ESYT2: variants seen among roughly 807,000 people sequenced by gnomAD.
The protein encoded by ESYT2 is extended synaptotagmin 2, also known as extended synaptotagmin-2.
ESYT2 carries 54 observed loss-of-function variants against 107.2 expected under a neutral mutation model. The ratio of observed to expected loss-of-function variants is 0.50; its 90% CI spans 0.40 to 0.63. ESYT2 has a LOEUF of 0.63. Ranked by LOEUF, ESYT2 falls within the 30% of genes least tolerant of loss-of-function variation. ESYT2 has a pLI of 0.00. For synonymous variants in ESYT2, 491 were observed against 434.1 expected, an observed-to-expected ratio of 1.13 and a Z score of -1.63; for missense variants, 1,020 against 1,094.5, an observed-to-expected ratio of 0.93 and a Z score of 0.96.
At chr7:158,818,915 G>C (rs1840216833) in intron 1 of ESYT2, among the ~76,000 whole-genome samples, 1 of 152,218 alleles carries the variant, frequency 6.6e-6, no homozygotes, top group Non-Finnish European at 1.5e-5. Context: ...ACACCCCACA[G>C]AAGGGCAGCC....
Position 158,751,890 on chromosome 7 carries a change from T to C in ESYT2, c.1482+891A>G, listed in dbSNP as rs570748061. ...TTCAATGTTCTGGAGGGCACAGTTA[T>C]TTCAACTACTGTGCTAACTAGTACT... On this transcript the variant is annotated intron_variant, in intron 14 of 22. Transcript: ENST00000275418. Among the ~76,000 whole-genome samples, 99 of 152,324 alleles carry C rather than the reference T, an allele frequency of 6.5e-4. 1 individual carries two copies. The highest frequency in any genetic ancestry group is 2.3e-3 in the African/African-American group (94 of 41,570).
chr7:158,752,773 C>G lies in ESYT2; in HGVS notation c.1482+8G>C, dbSNP rs1283698229. 2 of 1,300,754 alleles carry G rather than the reference C, an allele frequency of 1.5e-6. No individual in the cohort carries two copies. Among genetic ancestry groups the G allele is most frequent in the Admixed American group, 2.3e-5 (1 of 43,370 alleles). The allele number at this position is 1,300,754 out of a possible 1,614,324, so 80.6% of individuals were successfully genotyped here. A position where few individuals can be genotyped will look rare whatever the true frequency, so the allele number is the denominator to read the frequency against. On this transcript the variant is annotated splice_region_variant and intron_variant, in intron 14 of 22. Coordinates refer to ENST00000275418, the MANE Select transcript of ESYT2 (RefSeq NM_001367773.1). ...TTAACTCTGTGACCTGAAGGGAAAA[C>G]AGTTTACCTTTAAAGCTCTCTGAAC...
chr7:158,819,435 TC>T (rs1238017931), intron 1 of ESYT2, among the ~76,000 whole-genome samples: 2 of 152,258 alleles, frequency 1.3e-5, no homozygotes, highest in Non-Finnish European at 2.9e-5. Context: ...CAAATGTCTA[TC>T]AGACATCATT....
intron 16 of ESYT2, among the ~76,000 whole-genome samples, chr7:158,745,063 G>C (rs1837351032): frequency 6.6e-6 from 1 of 152,060 alleles, no homozygotes; most frequent in Non-Finnish European, 1.5e-5. Flanking sequence ...ATCAGATTGG[G>C]GCAAAAGTAA....
At position 158,759,466 on chromosome 7, in the gene ESYT2, G is replaced by A. The variant is rs771857089; in HGVS notation, c.1419+20C>T. 5.0e-6 allele frequency: 8 copies of A among 1,592,798 alleles called. No individual in the cohort carries two copies. The highest frequency in any genetic ancestry group is 6.0e-6 in the Non-Finnish European group (7 of 1,162,886). On this transcript the variant is annotated intron_variant, in intron 13 of 22. Coordinates refer to ENST00000275418, the MANE Select transcript of ESYT2 (RefSeq NM_001367773.1). ...TGCTAGGAAATACGCACCCACAGGT[G>A]TTACCACTGTGTTACCTACCGGAAG... is the stretch of plus-strand genomic sequence containing the variant.
In ESYT2 at chr7:158,749,808, T is replaced by C. The variant is rs1338830078; in HGVS notation, c.1483-85A>G. The C allele has an allele frequency of 3.3e-6, 4 of 1,197,078 alleles. No homozygotes were observed. The East Asian group carries it at 9.8e-5, about 29-fold the overall frequency. 74.2% of individuals were successfully genotyped at this position (1,197,078 alleles called of 1,614,324 possible). On this transcript the variant is annotated intron_variant, in intron 14 of 22. Coordinates refer to ENST00000275418, the MANE Select transcript of ESYT2 (RefSeq NM_001367773.1). ...CTAAAAATGAAATTACTGGCTTATA[T>C]TAGTAGTCATTTTTATTTATCTCTG... is the stretch of plus-strand genomic sequence containing the variant.
intron 16 of ESYT2, among the ~76,000 whole-genome samples, chr7:158,747,359 C>T (rs535334977): frequency 1.9e-4 from 29 of 150,300 alleles, no homozygotes; most frequent in Non-Finnish European, 3.4e-4. Flanking sequence ...AAGAATGAAA[C>T]ATTAAAAAAA....
chr7:158,743,824 T>C, intron 16 of ESYT2, 146 bp from the exon 17 acceptor site: 1 of 860,440 alleles, frequency 1.2e-6, no homozygotes, highest in Middle Eastern at 2.8e-4. Context: ...CTCACGCCTG[T>C]AATTTCAGCA....
intron 7 of ESYT2, among the ~76,000 whole-genome samples, chr7:158,772,421 T>C (rs1177312560): frequency 2.0e-5 from 3 of 152,122 alleles, no homozygotes; most frequent in Non-Finnish European, 2.9e-5. Flanking sequence ...AATAAAAAAA[T>C]AGTCTGAAAC....
intron 14 of ESYT2, among the ~76,000 whole-genome samples, chr7:158,751,971 G>C (rs1163856564): frequency 6.6e-6 from 1 of 152,158 alleles, no homozygotes; most frequent in Non-Finnish European, 1.5e-5. Flanking sequence ...AGGACGAAGT[G>C]GGGGTTCGCA....
intron 8 of ESYT2, among the ~76,000 whole-genome samples, chr7:158,766,797 C>T (rs1243451834): frequency 6.6e-6 from 1 of 152,180 alleles, no homozygotes; most frequent in Non-Finnish European, 1.5e-5. Flanking sequence ...GACACCACCA[C>T]GGTGGTAATG....
intron 20 of ESYT2, 107 bp from the exon 21 acceptor site, chr7:158,735,715 T>C: frequency 1.0e-6 from 1 of 985,160 alleles, no homozygotes; most frequent in Non-Finnish European, 1.5e-6. Flanking sequence ...TCATGTTTGT[T>C]TTTTATTATA....
intron 1 of ESYT2, among the ~76,000 whole-genome samples, chr7:158,809,692 G>A (rs1490321998): frequency 6.6e-6 from 1 of 152,148 alleles, no homozygotes; most frequent in East Asian, 1.9e-4. Context: ...GCCTAAAGCT[G>A]TCTCCTTAAC....
Position 158,789,828 on chromosome 7 carries a change from C to G in ESYT2, c.585-1411G>C, listed in dbSNP as rs79771033. ...TATGTTACGGCAGCTAACCATGAAA[C>G]CAGACTGATGCGTATTTGTTCAGAG... On this transcript the variant is annotated intron_variant, in intron 4 of 22. Transcript: ENST00000275418. 4.5e-3 allele frequency among the ~76,000 whole-genome samples: 691 copies of G among 152,258 alleles called. 43 individuals are homozygous for G. The East Asian group carries it at 0.12, about 26-fold the overall frequency.
chr7:158,787,476 A>G (rs1247139664), intron 6 of ESYT2, among the ~76,000 whole-genome samples: 4 of 152,238 alleles, frequency 2.6e-5, no homozygotes, highest in Non-Finnish European at 4.4e-5. Flanking sequence ...TGCTAATGAC[A>G]GCAGCCCTTA....
intron 1 of ESYT2, among the ~76,000 whole-genome samples, chr7:158,822,791 GTAC>G (rs1320178056): frequency 6.6e-6 from 1 of 151,582 alleles, no homozygotes; most frequent in African/African-American, 2.4e-5. Context: ...AAAAAATAAA[GTAC>G]TATTAGGTTT....
intron 9 of ESYT2, 112 bp downstream of exon 9, chr7:158,764,565 T>C: frequency 9.2e-7 from 1 of 1,090,768 alleles, no homozygotes; most frequent in Non-Finnish European, 1.3e-6. Context: ...AACATTTAAA[T>C]GATGGCCTAA....
At chr7:158,741,502 A>C (rs766808427) in intron 18 of ESYT2, 21 bp downstream of exon 18, 2 of 1,545,960 alleles carry the variant, frequency 1.3e-6, no homozygotes, top group Non-Finnish European at 8.7e-7. Flanking sequence ...GGTGAGAAAC[A>C]ACATGGTGGC....
chr7:158,736,958 T>C (rs1836977288), intron 20 of ESYT2, 90 bp downstream of exon 20: 6 of 1,526,942 alleles, frequency 3.9e-6, no homozygotes, highest in Non-Finnish European at 5.3e-6. Flanking sequence ...CTGATTTATG[T>C]GCTTTGGCCA....
Sources: allele counts gnomAD v4.1 joint callset (sites outside exome capture counted in the v4.1 genomes callset), GRCh38; gene constraint gnomAD v4.1.1; transcripts MANE v1.5; gene names NCBI Gene and HGNC (gene_info 2026-07-23, HGNC 2026-07-21).